The following PLBD2 variants were observed in gnomAD, a reference collection of about 807,000 sequenced individuals.
PLBD2 encodes the protein phospholipase B domain containing 2.
A neutral mutation model predicts 68.3 loss-of-function variants in PLBD2; 51 were observed. That is an observed-to-expected ratio of 0.75 (90% confidence interval 0.60 to 0.94). The LOEUF (loss-of-function observed/expected upper bound fraction) is 0.94, where lower values mean the gene tolerates loss of function less well. Ranked by LOEUF, PLBD2 falls within the 40% of genes least tolerant of loss-of-function variation. PLBD2 has a pLI of 0.00. For synonymous variants in PLBD2, 314 were observed against 339.3 expected (o/e 0.93, Z 0.82); for missense variants, 729 against 792.2 (o/e 0.92, Z 0.96).
chr12:113,362,367 C>A (rs182320267), intron 1 of PLBD2, among the ~76,000 whole-genome samples: 1 of 151,570 alleles, frequency 6.6e-6, no homozygotes, highest in African/African-American at 2.4e-5. Context: ...GTGATAGACA[C>A]AGTTATGGGG....
At chr12:113,373,380 G>A (rs1401312107) in intron 3 of PLBD2, among the ~76,000 whole-genome samples, 1 of 152,240 alleles carries the variant, frequency 6.6e-6, no homozygotes, top group Non-Finnish European at 1.5e-5. Context: ...ACACACGGCA[G>A]GCTGTCTCTG....
At chr12:113,385,085 G>A in intron 8 of PLBD2, 127 bp from the exon 9 acceptor site, 1 of 1,302,972 alleles carries the variant, frequency 7.7e-7, no homozygotes. Flanking sequence ...TCCCTGGTGG[G>A]GGCTGAAGTT....
chr12:113,374,500 A>G lies in PLBD2; in HGVS notation c.570A>G (p.Lys190=). The part of the protein sequence containing the change: ...HQVRLTLLQL[K]GLEDSYEGRV... ...TGCGGCTGACCCTCCTGCAGCTGAA[A>G]GGCCTGGAGGACAGCTACGAAGGCC... Residue 190 remains lysine (K), a synonymous_variant, in exon 4 of 12, where the codon AAA becomes AAG. Transcript: ENST00000280800. 6.2e-7 allele frequency: 1 copy of G among 1,604,220 alleles called. No homozygotes were observed.
rs137945493 is a variant in PLBD2, at chr12:113,367,872, A to C, written c.291-1244A>C. 1.5e-3 allele frequency among the ~76,000 whole-genome samples: 234 copies of C among 152,040 alleles called. 1 individual carries two copies. The highest frequency in any genetic ancestry group is 5.3e-3 in the African/African-American group (218 of 41,488). ...TGAGGTGGGCGGATCTCTTGAGGCCAGGAGTTCTAGACCAGACTGGCCAAC... is the reference window on the plus strand; with the variant it reads ...TGAGGTGGGCGGATCTCTTGAGGCCCGGAGTTCTAGACCAGACTGGCCAAC... On this transcript the variant is annotated intron_variant, in intron 1 of 11. Coordinates refer to ENST00000280800, the MANE Select transcript of PLBD2 (RefSeq NM_173542.4).
intron 1 of PLBD2, among the ~76,000 whole-genome samples, chr12:113,361,953 A>G (rs963304746): frequency 6.6e-6 from 1 of 152,222 alleles, no homozygotes; most frequent in Non-Finnish European, 1.5e-5. Flanking sequence ...AAGCATCCCA[A>G]ATCCACCAAC....
chr12:113,363,281 A>G (rs1446332157), intron 1 of PLBD2, among the ~76,000 whole-genome samples: 2 of 152,082 alleles, frequency 1.3e-5, no homozygotes, highest in Non-Finnish European at 2.9e-5. Context: ...CAAAAAATAT[A>G]AAAAACTAGC....
At chr12:113,382,578 G>A (rs1957501527) in intron 6 of PLBD2, among the ~76,000 whole-genome samples, 1 of 151,700 alleles carries the variant, frequency 6.6e-6, no homozygotes, top group Non-Finnish European at 1.5e-5. Context: ...CAAGTAACTG[G>A]AACTATAGGC....
At position 113,358,642 on chromosome 12, in the gene PLBD2, C is replaced by A; in HGVS notation, c.42C>A (p.Ala14=). 1 of 1,464,398 alleles carries A rather than the reference C, an allele frequency of 6.8e-7. No individual in the cohort carries two copies. The allele number at this position is 1,464,398 out of a possible 1,614,324, so 90.7% of individuals were successfully genotyped here. Residue 14 remains alanine (A), a synonymous_variant, in exon 1 of 12, where the codon GCC becomes GCA. Coordinates refer to ENST00000280800, the MANE Select transcript of PLBD2 (RefSeq NM_173542.4). The part of the protein sequence containing the change: ...QMYCYPGSHL[A]RALTRALALA... ...ACTGCTACCCCGGCAGCCACCTGGC[C>A]CGGGCGCTGACGCGGGCGCTGGCGC...
chr12:113,382,835 T>TTTTTTGTGTGTGTGTGTGTGTG (rs1335785271), intron 6 of PLBD2, among the ~76,000 whole-genome samples: 19 of 106,608 alleles, frequency 1.8e-4, no homozygotes, highest in Middle Eastern at 7.6e-3. Context: ...TGGTGGTTTT[T>TTTTTTGTGTGTGTGTGTGTGTG]TGTGTGTGTG....
rs1168960886 is a variant in PLBD2 at position 113,372,787 on chromosome 12, G to C, written c.523G>C (p.Asp175His). 1 of 1,613,660 alleles carries C rather than the reference G, an allele frequency of 6.2e-7. No individual in the cohort carries two copies. Among genetic ancestry groups the C allele is most frequent in the Non-Finnish European group, 8.5e-7 (1 of 1,179,990 alleles). Residue 175 changes from aspartate to histidine, a missense_variant, in exon 3 of 12, where the codon GAC becomes CAC. Transcript: ENST00000280800. The surrounding 1 kb of genome is among the most constrained non-coding windows in gnomAD (Gnocchi z 4.2). Reference sequence around the variant, plus strand: ...GCAGGAAGAGATGGAGTCAAACCCAGACTCACCTTACTGGCACCAGGTGAG... The same window carrying C: ...GCAGGAAGAGATGGAGTCAAACCCACACTCACCTTACTGGCACCAGGTGAG... ...WMQEEMESNP[D>H]SPYWHQVRLT...
At chr12:113,362,330 TAAA>T (rs748737757) in intron 1 of PLBD2, among the ~76,000 whole-genome samples, 1 of 124,010 alleles carries the variant, frequency 8.1e-6, no homozygotes, top group African/African-American at 3.0e-5. Flanking sequence ...CTGTCTCAAA[TAAA>T]AAAAAAAAAA....
chr12:113,370,737 C>T (rs990568734), intron 2 of PLBD2, among the ~76,000 whole-genome samples: 3 of 152,164 alleles, frequency 2.0e-5, no homozygotes, highest in African/African-American at 7.2e-5. Context: ...CTCGGCTTCC[C>T]AGAGTGTTGG....
rs764440765 is a variant in PLBD2, at chr12:113,369,170, C to G, written c.345C>G (p.Ala115=). Residue 115 remains alanine, a synonymous_variant, in exon 2 of 12, where the codon GCC becomes GCG. Coordinates refer to ENST00000280800, the MANE Select transcript of PLBD2 (RefSeq NM_173542.4). The part of the protein sequence containing the change: ...TSGQYNDSLQ[A]YAAGVVEAAV... ...GCCAATACAATGACAGCTTGCAGGCCTATGCAGCCGGTGTGGTGGAGGCTG... is the reference window on the plus strand; with the variant it reads ...GCCAATACAATGACAGCTTGCAGGCGTATGCAGCCGGTGTGGTGGAGGCTG... 1 of 1,607,500 alleles carries G rather than the reference C, an allele frequency of 6.2e-7. No homozygotes were observed. The highest frequency in any genetic ancestry group is 1.3e-5 in the African/African-American group (1 of 74,874).
At chr12:113,359,450 G>A (rs1472379801) in intron 1 of PLBD2, 2 of 152,368 alleles carry the variant, frequency 1.3e-5, no homozygotes, top group Non-Finnish European at 2.9e-5. Context: ...AAGTCACATA[G>A]ACCCATTTAG....
At chr12:113,359,940 G>A (rs1957275257) in intron 1 of PLBD2, among the ~76,000 whole-genome samples, 1 of 152,094 alleles carries the variant, frequency 6.6e-6, no homozygotes, top group Non-Finnish European at 1.5e-5. Flanking sequence ...TCCAGATGAT[G>A]CTAGGGAACC....
Position 113,372,619 on chromosome 12 carries a change from C to A in PLBD2, c.385-30C>A, listed in dbSNP as rs1327899037. ...GGGAAGAGAGCACCCCAGCTGCCCG[C>A]CCTTGCCTCGCCCACCCCCTACCCC... On this transcript the variant is annotated intron_variant, in intron 2 of 11. Coordinates refer to ENST00000280800, the MANE Select transcript of PLBD2 (RefSeq NM_173542.4). This position sits in a 1 kb window ranked among gnomAD's most constrained non-coding sequence, Gnocchi z 4.2. 2 of 1,603,104 alleles carry A rather than the reference C, an allele frequency of 1.2e-6. No homozygotes were observed. The highest frequency in any genetic ancestry group is 1.7e-5 in the Admixed American group (1 of 59,720).
At chr12:113,383,716 G>A (rs1013496531) in intron 6 of PLBD2, among the ~76,000 whole-genome samples, 3 of 151,504 alleles carry the variant, frequency 2.0e-5, no homozygotes, top group African/African-American at 7.3e-5. Flanking sequence ...CACCATGCCC[G>A]GCAGATTAAG....
chr12:113,381,937 C>T (rs573169395), intron 6 of PLBD2, among the ~76,000 whole-genome samples: 48 of 152,272 alleles, frequency 3.2e-4, no homozygotes, highest in African/African-American at 1.1e-3. Context: ...ATCCTCCTGC[C>T]TCAGCCTCCT....
Position 113,374,949 on chromosome 12 carries a change from C to T in PLBD2, c.801C>T (p.Tyr267=). Reference sequence around the variant, plus strand: ...TTGCCCACAACACCTGGAACAACTACCAGCACATGCTGCGTGTCATCAAGA... The same window carrying T: ...TTGCCCACAACACCTGGAACAACTATCAGCACATGCTGCGTGTCATCAAGA... ...LLVAHNTWNN[Y]QHMLRVIKKY... Residue 267 remains tyrosine, a synonymous_variant, in exon 5 of 12, where the codon TAC becomes TAT. Coordinates refer to ENST00000280800, the MANE Select transcript of PLBD2 (RefSeq NM_173542.4). 5 of 1,614,162 alleles carry T rather than the reference C, an allele frequency of 3.1e-6. No individual in the cohort carries two copies. Among genetic ancestry groups the T allele is most frequent in the Non-Finnish European group, 4.2e-6 (5 of 1,180,040 alleles).
Sources: gnomAD v4.1 joint callset for allele counts (sites outside exome capture counted in the v4.1 genomes callset) on GRCh38, gnomAD v4.1.1 for gene constraint, Gnocchi (gnomAD v3.1) non-coding constraint, MANE v1.5 for transcripts, NCBI Gene and HGNC (gene_info 2026-07-23, HGNC 2026-07-21) for gene names.